The following COPG2 variants were observed in gnomAD, a reference collection of about 807,000 sequenced individuals.
COPG2 encodes coatomer subunit gamma-2.
COPG2 carries 37 observed loss-of-function variants against 46.3 expected under a neutral mutation model. The ratio of observed to expected loss-of-function variants is 0.80; its 90% CI spans 0.61 to 1.05. The LOEUF (loss-of-function observed/expected upper bound fraction) is 1.05. Ranked by LOEUF, COPG2 falls within the 50% of genes least tolerant of loss-of-function variation. The probability of loss-of-function intolerance (pLI) is 0.00; values close to 1 mark genes in which losing one functional copy is unlikely to be tolerated. For missense variants in COPG2, 427 were observed against 387.8 expected, an observed-to-expected ratio of 1.10 and a Z score of -0.85; for synonymous variants, 159 against 129.7, an observed-to-expected ratio of 1.23 and a Z score of -1.53.
chr7:130,666,693 T>C (rs925030073), intron 3 of COPG2, among the ~76,000 whole-genome samples, 156 bp downstream of exon 3: 3 of 152,242 alleles, frequency 2.0e-5, no homozygotes, highest in Non-Finnish European at 4.4e-5. Flanking sequence ...GTCCTCGTAC[T>C]CAAGTTTTAC....
chr7:130,591,480 T>G (rs1351131429), intron 9 of COPG2, among the ~76,000 whole-genome samples: 11 of 50,934 alleles, frequency 2.2e-4, no homozygotes, highest in Admixed American at 4.0e-4. Context: ...GGTGGGGGGG[T>G]CAGCCCCCCC....
intron 9 of COPG2, among the ~76,000 whole-genome samples, chr7:130,574,542 C>A (rs376562240): frequency 6.6e-5 from 10 of 152,270 alleles, no homozygotes; most frequent in African/African-American, 2.2e-4. Context: ...AGAATCAGAA[C>A]AACAGACTTC....
chr7:130,596,354 G>A (rs1036585832), intron 9 of COPG2, among the ~76,000 whole-genome samples: 1 of 152,130 alleles, frequency 6.6e-6, no homozygotes, highest in African/African-American at 2.4e-5. Context: ...AAATAGGTCC[G>A]CTGGAATGCC....
At chr7:130,586,802 A>G (rs1171446986) in intron 9 of COPG2, among the ~76,000 whole-genome samples, 1 of 151,984 alleles carries the variant, frequency 6.6e-6, no homozygotes, top group Admixed American at 6.6e-5. Context: ...TATTTACAGC[A>G]TCCTAAATGT....
chr7:130,515,522 C>T (rs1384230568), intron 20 of COPG2, among the ~76,000 whole-genome samples: 1 of 152,198 alleles, frequency 6.6e-6, no homozygotes, highest in Non-Finnish European at 1.5e-5. Context: ...GGATACAGAT[C>T]CAAACCACAT....
intron 4 of COPG2, among the ~76,000 whole-genome samples, chr7:130,653,806 A>C (rs1442308900): frequency 4.6e-5 from 7 of 152,176 alleles, no homozygotes; most frequent in African/African-American, 1.7e-4. Flanking sequence ...GAACCCATTA[A>C]GGAAAGAAAA....
intron 5 of COPG2, among the ~76,000 whole-genome samples, chr7:130,627,935 G>A (rs1187976428): frequency 6.6e-6 from 1 of 152,170 alleles, no homozygotes; most frequent in Non-Finnish European, 1.5e-5. Flanking sequence ...AAGAACAACT[G>A]TAGTTGTAAA....
intron 5 of COPG2, among the ~76,000 whole-genome samples, chr7:130,636,002 AGTTGTATG>A (rs1403468523): frequency 2.4e-4 from 36 of 152,108 alleles, no homozygotes; most frequent in African/African-American, 8.4e-4. Context: ...GTTTCCATGT[AGTTGTATG>A]GTTTGAGTGA....
At chr7:130,655,535 C>T (rs1485679552) in intron 4 of COPG2, among the ~76,000 whole-genome samples, 2 of 152,128 alleles carry the variant, frequency 1.3e-5, no homozygotes, top group African/African-American at 2.4e-5. Context: ...GGATAGTCCT[C>T]AACAGATCAT....
At chr7:130,662,623 G>T (rs1299662544) in intron 4 of COPG2, among the ~76,000 whole-genome samples, 2 of 152,114 alleles carry the variant, frequency 1.3e-5, no homozygotes, top group East Asian at 3.9e-4. Flanking sequence ...CAGCACTGCT[G>T]ACTAACAGCA....
At chr7:130,651,390 C>G (rs1306432391) in intron 5 of COPG2, among the ~76,000 whole-genome samples, 2 of 151,490 alleles carry the variant, frequency 1.3e-5, no homozygotes, top group Admixed American at 1.3e-4. Flanking sequence ...GATCTCGGCT[C>G]ACCGCAATCT....
chr7:130,591,781 G>A (rs1219027280), intron 9 of COPG2, among the ~76,000 whole-genome samples: 4 of 147,440 alleles, frequency 2.7e-5, no homozygotes, highest in Non-Finnish European at 6.0e-5. Flanking sequence ...GGAAGTGGAG[G>A]GGTCAGCCCC....
At chr7:130,594,080 T>C (rs1355061744) in intron 9 of COPG2, among the ~76,000 whole-genome samples, 1 of 151,416 alleles carries the variant, frequency 6.6e-6, no homozygotes, top group East Asian at 1.9e-4. Flanking sequence ...TCCTAGAAAA[T>C]CAATGGGAAC....
chr7:130,565,281 G>A (rs1793785172), intron 9 of COPG2, among the ~76,000 whole-genome samples: 1 of 152,140 alleles, frequency 6.6e-6, no homozygotes, highest in African/African-American at 2.4e-5. Context: ...GAAAATGATG[G>A]GAGACATACT....
intron 8 of COPG2, among the ~76,000 whole-genome samples, 154 bp downstream of exon 8, chr7:130,611,998 A>G (rs1584578315): frequency 6.6e-6 from 1 of 152,220 alleles, no homozygotes; most frequent in African/African-American, 2.4e-5. Context: ...GGCAGTAATC[A>G]TAATTAGTGA....
chr7:130,613,560 G>T lies in COPG2; in HGVS notation c.476C>A (p.Ala159Glu). 6.3e-7 allele frequency: 1 copy of T among 1,593,324 alleles called. No individual in the cohort carries two copies. ...TTCACTTACCAGGGAAGATACCAGTGCTGAACTGGATACACTGGAAACTTT... is the reference window on the plus strand; with the variant it reads ...TTCACTTACCAGGGAAGATACCAGTTCTGAACTGGATACACTGGAAACTTT... ...VDKVSSVSSS[A>E]LVSSLHMMKI... Residue 159 changes from alanine to glutamate, a missense_variant, in exon 7 of 24, where the codon GCA (alanine) becomes GAA (glutamate). Coordinates refer to ENST00000425248, the MANE Select transcript of COPG2 (RefSeq NM_012133.6).
At position 130,536,403 on chromosome 7, in the gene COPG2, G is replaced by T. The variant is rs1799879681; in HGVS notation, c.2149+11271C>A. On this transcript the variant is annotated intron_variant, in intron 20 of 23. Coordinates refer to ENST00000425248, the MANE Select transcript of COPG2 (RefSeq NM_012133.6). Reference sequence around the variant, plus strand: ...TGGGTTTCACCCGAGGGAGGGCTGGGGACATGGACCCCCAGGCAGGCCTAT... The same window carrying T: ...TGGGTTTCACCCGAGGGAGGGCTGGTGACATGGACCCCCAGGCAGGCCTAT... 2.0e-5 allele frequency among the ~76,000 whole-genome samples: 3 copies of T among 152,292 alleles called. No individual in the cohort carries two copies. The East Asian group carries it at 5.8e-4, about 29-fold the overall frequency.
intron 16 of COPG2, among the ~76,000 whole-genome samples, 181 bp from the exon 17 acceptor site, chr7:130,550,830 T>C (rs1468264933): frequency 6.6e-6 from 1 of 152,204 alleles, no homozygotes; most frequent in Non-Finnish European, 1.5e-5. Flanking sequence ...ACTTATAAAC[T>C]GACTTATTTC....
intron 20 of COPG2, among the ~76,000 whole-genome samples, chr7:130,523,113 T>C (rs1584962638): frequency 3.7e-3 from 1 of 272 alleles, no homozygotes; most frequent in Non-Finnish European, 8.3e-3. Context: ...AGTGAAACTC[T>C]TCTCTCAAAA....
Sources: allele counts gnomAD v4.1 joint callset (sites outside exome capture counted in the v4.1 genomes callset), GRCh38; gene constraint gnomAD v4.1.1; transcripts MANE v1.5; gene names NCBI Gene and HGNC (gene_info 2026-07-23, HGNC 2026-07-21).